Variants in HTR1F observed in about 807,000 individuals in gnomAD.
HTR1F encodes the protein 5-hydroxytryptamine receptor 1F, also known as 5-hydroxytryptamine (serotonin) receptor 1F, G protein-coupled.
Under a neutral mutation model 24.0 loss-of-function variants are expected in HTR1F, and 17 were observed. The observed-to-expected ratio is 0.71, with a 90% CI of 0.48 to 1.06. HTR1F has a LOEUF of 1.06. HTR1F is among the 50% of genes least tolerant of loss of function. The probability of loss-of-function intolerance (pLI) is 0.00; values close to 1 mark genes in which losing one functional copy is unlikely to be tolerated. For missense variants in HTR1F, 391 were observed against 427.8 expected (o/e 0.91, Z 0.76); for synonymous variants, 186 against 156.8 (o/e 1.19, Z -1.39).
intron 2 of HTR1F, among the ~76,000 whole-genome samples, chr3:87,987,807 T>C (rs1705705913): frequency 7.4e-6 from 1 of 135,790 alleles, no homozygotes; most frequent in South Asian, 2.1e-4. Flanking sequence ...ATATATGTAT[T>C]ATATATGTAT....
intron 2 of HTR1F, among the ~76,000 whole-genome samples, chr3:87,933,795 A>T (rs1158883271): frequency 6.6e-6 from 1 of 152,238 alleles, no homozygotes; most frequent in Admixed American, 6.5e-5. Flanking sequence ...TAATATATAC[A>T]TTCAATGCCA....
At chr3:87,836,459 T>C (rs1704684959) in intron 2 of HTR1F, among the ~76,000 whole-genome samples, 1 of 152,178 alleles carries the variant, frequency 6.6e-6, no homozygotes, top group Non-Finnish European at 1.5e-5. Flanking sequence ...GTTTGGAAAA[T>C]AATTTTAATA....
At chr3:87,864,532 A>G (rs1158246034) in intron 2 of HTR1F, among the ~76,000 whole-genome samples, 1 of 152,202 alleles carries the variant, frequency 6.6e-6, no homozygotes, top group Admixed American at 6.5e-5. Context: ...CAATCTAGAA[A>G]GACTGTAGGT....
intron 2 of HTR1F, among the ~76,000 whole-genome samples, chr3:87,898,110 G>A (rs951572223): frequency 1.3e-5 from 2 of 152,174 alleles, no homozygotes; most frequent in African/African-American, 4.8e-5. Context: ...TTGGATGGGT[G>A]TAGGTAAGAC....
chr3:87,966,625 A>G (rs918038857), intron 2 of HTR1F, among the ~76,000 whole-genome samples: 9 of 151,988 alleles, frequency 5.9e-5, no homozygotes, highest in Non-Finnish European at 1.2e-4. Context: ...AATTCAAGTG[A>G]TTTTTTTCAT....
At chr3:87,989,755 C>T (rs1026936718) in intron 2 of HTR1F, among the ~76,000 whole-genome samples, 22 of 151,984 alleles carry the variant, frequency 1.4e-4, no homozygotes. Context: ...CTTTTGTTCC[C>T]AGACCAAACC....
At chr3:87,885,717 T>C (rs1386669961) in intron 2 of HTR1F, among the ~76,000 whole-genome samples, 1 of 152,028 alleles carries the variant, frequency 6.6e-6, no homozygotes, top group Non-Finnish European at 1.5e-5. Context: ...AACACCTCTA[T>C]GCAAATAAAC....
intron 2 of HTR1F, among the ~76,000 whole-genome samples, chr3:87,860,833 C>G (rs971687459): frequency 6.6e-6 from 1 of 152,046 alleles, no homozygotes; most frequent in African/African-American, 2.4e-5. Flanking sequence ...AAAGAGAATG[C>G]CAAAGTGACT....
intron 2 of HTR1F, among the ~76,000 whole-genome samples, chr3:87,880,916 G>A (rs1705779562): frequency 6.6e-6 from 1 of 152,192 alleles, no homozygotes; most frequent in Admixed American, 6.5e-5. Flanking sequence ...TACTTGGTAT[G>A]AGAACATATT....
At chr3:87,928,141 G>T (rs551578050) in intron 2 of HTR1F, among the ~76,000 whole-genome samples, 21 of 151,374 alleles carry the variant, frequency 1.4e-4, no homozygotes, top group African/African-American at 3.6e-4. Flanking sequence ...TGCTTCCCAG[G>T]TTCAAGTGAC....
chr3:87,848,687 T>A (rs1705005758), intron 2 of HTR1F, among the ~76,000 whole-genome samples: 1 of 151,854 alleles, frequency 6.6e-6, no homozygotes, highest in African/African-American at 2.4e-5. Flanking sequence ...GCAGATGACA[T>A]GATTGTGTAT....
chr3:87,961,949 T>A (rs1705072037), intron 2 of HTR1F, among the ~76,000 whole-genome samples: 1 of 152,074 alleles, frequency 6.6e-6, no homozygotes, highest in Non-Finnish European at 1.5e-5. Context: ...GCATGCAATA[T>A]CATAGACATA....
chr3:87,961,325 A>G (rs796450066), intron 2 of HTR1F, among the ~76,000 whole-genome samples: 9 of 152,248 alleles, frequency 5.9e-5, no homozygotes, highest in African/African-American at 1.9e-4. Flanking sequence ...TCATTGGAAG[A>G]GACCCCATTC....
chr3:87,830,831 TAAAG>T (rs1161295333), intron 2 of HTR1F, among the ~76,000 whole-genome samples: 1 of 152,208 alleles, frequency 6.6e-6, no homozygotes, highest in Admixed American at 6.5e-5. Context: ...TAAAGTCAAA[TAAAG>T]AAGTTCCTGG....
At chr3:87,807,351 T>C (rs995946928) in intron 1 of HTR1F, among the ~76,000 whole-genome samples, 1 of 151,994 alleles carries the variant, frequency 6.6e-6, no homozygotes, top group Non-Finnish European at 1.5e-5. Flanking sequence ...CCTTGTTACA[T>C]TTATTCCTAG....
chr3:87,854,359 T>C (rs1287500467), intron 2 of HTR1F, among the ~76,000 whole-genome samples: 3 of 152,022 alleles, frequency 2.0e-5, no homozygotes, highest in African/African-American at 7.2e-5. Flanking sequence ...TTGAGACCTG[T>C]TTTTATTTCC....
intron 2 of HTR1F, among the ~76,000 whole-genome samples, chr3:87,842,285 C>A (rs1404990658): frequency 6.6e-6 from 1 of 151,582 alleles, no homozygotes; most frequent in Admixed American, 6.6e-5. Flanking sequence ...CTCAGCCTCC[C>A]GAGTAGCTGG....
At chr3:87,935,148 G>A (rs1432285533) in intron 2 of HTR1F, among the ~76,000 whole-genome samples, 7 of 152,158 alleles carry the variant, frequency 4.6e-5, no homozygotes, top group Non-Finnish European at 1.5e-5. Flanking sequence ...GATTACAGGT[G>A]TGAACCACCA....
chr3:87,815,293 T>C (rs969011346), intron 1 of HTR1F, among the ~76,000 whole-genome samples: 3 of 152,050 alleles, frequency 2.0e-5, no homozygotes, highest in African/African-American at 7.2e-5. Context: ...GAATCAAATA[T>C]ATATATATAT....
Sources: allele counts gnomAD v4.1 joint callset (sites outside exome capture counted in the v4.1 genomes callset), GRCh38; gene constraint gnomAD v4.1.1; transcripts MANE v1.5; gene names NCBI Gene and HGNC (gene_info 2026-07-23, HGNC 2026-07-21).